Variants in WDFY3 observed in about 807,000 individuals in gnomAD.
WDFY3 encodes WD repeat and FYVE domain-containing protein 3.
Under a neutral mutation model 409.6 loss-of-function variants are expected in WDFY3, and 66 were observed. That is an observed-to-expected ratio of 0.16 (90% CI 0.13 to 0.20). WDFY3 has a LOEUF of 0.20. WDFY3 is among the 10% of genes least tolerant of loss of function. The pLI is 1.00. For synonymous variants in WDFY3, 1,521 were observed against 1,537.1 expected, an observed-to-expected ratio of 0.99 and a Z score of 0.25; for missense variants, 3,031 against 4,298.1, an observed-to-expected ratio of 0.71 and a Z score of 8.24.
chr4:84,688,635 A>C (rs1560531854), intron 61 of WDFY3, among the ~76,000 whole-genome samples: 2 of 152,218 alleles, frequency 1.3e-5, no homozygotes, highest in African/African-American at 2.4e-5. Flanking sequence ...AAAAATACAG[A>C]ATTTCAACTC....
At chr4:84,821,042 A>G (rs1458185147) in intron 11 of WDFY3, 42 bp downstream of exon 11, 1 of 1,502,082 alleles carries the variant, frequency 6.7e-7, no homozygotes, top group East Asian at 2.3e-5. Context: ...TCTGTTTTGA[A>G]CCCCTTTTCA....
intron 2 of WDFY3, among the ~76,000 whole-genome samples, chr4:84,905,886 C>T (rs1766977539): frequency 6.6e-6 from 1 of 152,120 alleles, no homozygotes; most frequent in African/African-American, 2.4e-5. Context: ...GGGATAACTC[C>T]TTCAATTTTC....
intron 21 of WDFY3, among the ~76,000 whole-genome samples, chr4:84,794,027 A>C (rs775197091): frequency 6.6e-6 from 1 of 152,206 alleles, no homozygotes; most frequent in Non-Finnish European, 1.5e-5. Flanking sequence ...TTGGAGTTCT[A>C]CTGTACAGCA....
intron 4 of WDFY3, among the ~76,000 whole-genome samples, chr4:84,859,007 CA>C (rs1175874333): frequency 2.6e-5 from 4 of 151,434 alleles, no homozygotes; most frequent in Non-Finnish European, 5.9e-5. Flanking sequence ...GAAATGGAAA[CA>C]GGGGAAGGCA....
intron 13 of WDFY3, among the ~76,000 whole-genome samples, chr4:84,816,579 T>G (rs1753333951): frequency 2.0e-5 from 3 of 152,128 alleles, no homozygotes; most frequent in Non-Finnish European, 4.4e-5. Context: ...ATCTGGAACT[T>G]GGAAATTTTT....
At chr4:84,958,233 A>T (rs540544589) in intron 1 of WDFY3, among the ~76,000 whole-genome samples, 1 of 152,176 alleles carries the variant, frequency 6.6e-6, no homozygotes, top group African/African-American at 2.4e-5. Context: ...CTGAGCACCT[A>T]CTGTGTATAG....
At chr4:84,772,955 T>C (rs1320818415) in intron 29 of WDFY3, 26 bp from the exon 30 acceptor site, 6 of 1,544,696 alleles carry the variant, frequency 3.9e-6, no homozygotes, top group African/African-American at 1.4e-5. Flanking sequence ...AACAAGATTA[T>C]GGATTTTCTT....
chr4:84,811,539 A>G (rs1752490292), intron 13 of WDFY3, among the ~76,000 whole-genome samples: 1 of 152,192 alleles, frequency 6.6e-6, no homozygotes, highest in African/African-American at 2.4e-5. Flanking sequence ...AAACCTAGGC[A>G]GTCTAATTAC....
chr4:84,959,365 C>T (rs987840325), intron 1 of WDFY3, among the ~76,000 whole-genome samples: 2 of 152,048 alleles, frequency 1.3e-5, no homozygotes, highest in African/African-American at 4.8e-5. Flanking sequence ...AAAAACAATT[C>T]ATTTTGGAAA....
chr4:84,714,948 T>A (rs1272370870), intron 50 of WDFY3, among the ~76,000 whole-genome samples: 5 of 133,006 alleles, frequency 3.8e-5, no homozygotes, highest in Middle Eastern at 4.1e-3. Flanking sequence ...AGACTCCGTC[T>A]CAAAAAAAAA....
intron 35 of WDFY3, among the ~76,000 whole-genome samples, chr4:84,752,649 T>C (rs577768840): frequency 4.7e-4 from 72 of 152,076 alleles, no homozygotes; most frequent in African/African-American, 1.7e-3. Context: ...ATTAAGGTCA[T>C]GTGTCACATT....
intron 61 of WDFY3, among the ~76,000 whole-genome samples, chr4:84,689,226 G>A (rs1409418866): frequency 6.6e-6 from 1 of 152,128 alleles, no homozygotes; most frequent in Non-Finnish European, 1.5e-5. Flanking sequence ...ATACTTTTGA[G>A]AGAGAAAACT....
In WDFY3 at chr4:84,757,043, G is replaced by C; in HGVS notation, c.5307C>G (p.Val1769=). The C allele has an allele frequency of 6.2e-7, 1 of 1,614,080 alleles. No homozygotes were observed. The highest frequency in any genetic ancestry group is 1.3e-5 in the African/African-American group (1 of 75,034). Residue 1769 remains valine (V), a synonymous_variant, in exon 33 of 68, where the codon GTC becomes GTG. Coordinates refer to ENST00000295888, the MANE Select transcript of WDFY3 (RefSeq NM_014991.6). ...CCATGAGGAGAAAATAGAGGGCAGG[G>C]ACATTAGTGTGTTTAGGAAGGAATG... The part of the protein sequence containing the change: ...LQSFLPKHTN[V]PALYFLLMAL...
At chr4:84,858,511 T>C (rs1220589503) in intron 4 of WDFY3, among the ~76,000 whole-genome samples, 1 of 152,096 alleles carries the variant, frequency 6.6e-6, no homozygotes, top group African/African-American at 2.4e-5. Context: ...CTAAAAGAAC[T>C]ACTGCTTGAT....
intron 1 of WDFY3, among the ~76,000 whole-genome samples, chr4:84,937,883 C>G (rs923636080): frequency 6.6e-6 from 1 of 152,108 alleles, no homozygotes; most frequent in Non-Finnish European, 1.5e-5. Flanking sequence ...GTAGACCCTT[C>G]CTTATCTGTG....
At chr4:84,841,390 A>G (rs1757331891) in intron 5 of WDFY3, 127 bp from the exon 6 acceptor site, 1 of 713,892 alleles carries the variant, frequency 1.4e-6, no homozygotes, top group Non-Finnish European at 2.3e-6. Context: ...TTACATATAG[A>G]AAAACTTTAA....
chr4:84,793,988 T>G (rs1008887016), intron 21 of WDFY3, among the ~76,000 whole-genome samples: 2 of 152,214 alleles, frequency 1.3e-5, no homozygotes, highest in African/African-American at 2.4e-5. Context: ...TATTTATCAT[T>G]TAGCAGGATC....
intron 21 of WDFY3, among the ~76,000 whole-genome samples, chr4:84,790,814 T>G (rs971810089): frequency 6.6e-6 from 1 of 152,100 alleles, no homozygotes; most frequent in Non-Finnish European, 1.5e-5. Context: ...TAGACATTTC[T>G]CCAAAGAAGG....
chr4:84,696,701 C>A (rs1408887083), intron 57 of WDFY3, 31 bp downstream of exon 57: 17 of 1,601,860 alleles, frequency 1.1e-5, no homozygotes, highest in Non-Finnish European at 1.5e-5. Context: ...AAATGAAATT[C>A]AACTTCAATT....
Sources: gnomAD v4.1 joint callset for allele counts (sites outside exome capture counted in the v4.1 genomes callset) on GRCh38, gnomAD v4.1.1 for gene constraint, MANE v1.5 for transcripts, NCBI Gene and HGNC (gene_info 2026-07-23, HGNC 2026-07-21) for gene names.